The following EYA4 variants were observed in gnomAD, a reference collection of about 807,000 sequenced individuals.
EYA4 encodes EYA transcriptional coactivator and phosphatase 4, also known as protein phosphatase EYA4.
Under a neutral mutation model 87.9 loss-of-function variants are expected in EYA4, and 31 were observed. The observed-to-expected ratio is 0.35, with a 90% CI of 0.27 to 0.48. The LOEUF is 0.48. Among genes scored for constraint, EYA4 ranks in the 20% least tolerant of loss-of-function variants. The pLI, the probability that EYA4 is intolerant of heterozygous loss-of-function variation, is 0.99. For synonymous variants in EYA4, 263 were observed against 270.6 expected, an observed-to-expected ratio of 0.97 and a Z score of 0.28; for missense variants, 678 against 761.4, an observed-to-expected ratio of 0.89 and a Z score of 1.29.
intron 11 of EYA4, among the ~76,000 whole-genome samples, chr6:133,472,525 A>G (rs1319533690): frequency 2.8e-5 from 2 of 70,744 alleles, no homozygotes; most frequent in Non-Finnish European, 4.9e-5. Context: ...TATGTGGTCA[A>G]TTTTGGAATA....
In EYA4 at chr6:133,468,559, G is replaced by A. The variant is rs1562457037; in HGVS notation, c.805-7G>A. ...TTCAAACACACACATCTCAATTATT[G>A]TTTCAGGATTATCCATCCTATACAG... On this transcript the variant is annotated splice_region_variant and splice_polypyrimidine_tract_variant and intron_variant, in intron 10 of 19. Coordinates refer to ENST00000355286, the MANE Select transcript of EYA4 (RefSeq NM_004100.5). 2 of 1,602,952 alleles carry A rather than the reference G, an allele frequency of 1.2e-6. No individual in the cohort carries two copies. The highest frequency in any genetic ancestry group is 1.1e-5 in the South Asian group (1 of 90,856).
chr6:133,423,017 T>G (rs534483745), intron 3 of EYA4, among the ~76,000 whole-genome samples: 17 of 152,170 alleles, frequency 1.1e-4, no homozygotes, highest in Non-Finnish European at 2.5e-4. Flanking sequence ...AGATGGCACT[T>G]CTCATCTCTA....
chr6:133,260,825 G>A (rs903896012), intron 1 of EYA4, among the ~76,000 whole-genome samples: 1 of 152,036 alleles, frequency 6.6e-6, no homozygotes, highest in Non-Finnish European at 1.5e-5. Context: ...ATGGTGGGCC[G>A]AGTTTTTCTA....
At chr6:133,255,525 A>C (rs1303766846) in intron 1 of EYA4, among the ~76,000 whole-genome samples, 1 of 152,188 alleles carries the variant, frequency 6.6e-6, no homozygotes, top group Non-Finnish European at 1.5e-5. Flanking sequence ...ATATATTTAA[A>C]GTAAAAAGTG....
intron 1 of EYA4, among the ~76,000 whole-genome samples, chr6:133,264,976 C>T (rs1245235376): frequency 2.0e-5 from 3 of 152,152 alleles, no homozygotes; most frequent in Non-Finnish European, 4.4e-5. Flanking sequence ...CTTCTCAAAC[C>T]TCCTTCAGCA....
At chr6:133,301,455 C>T (rs1352354901) in intron 2 of EYA4, among the ~76,000 whole-genome samples, 2 of 152,018 alleles carry the variant, frequency 1.3e-5, no homozygotes, top group Non-Finnish European at 2.9e-5. Flanking sequence ...TTCCCGGATG[C>T]CTTTTATTTG....
chr6:133,401,363 T>C (rs999702559), intron 3 of EYA4, among the ~76,000 whole-genome samples: 1 of 133,104 alleles, frequency 7.5e-6, no homozygotes, highest in Non-Finnish European at 1.7e-5. Flanking sequence ...TTAATATTAA[T>C]CTATTGTACA....
intron 2 of EYA4, among the ~76,000 whole-genome samples, chr6:133,306,593 A>T (rs1029277328): frequency 1.3e-5 from 2 of 152,186 alleles, no homozygotes; most frequent in African/African-American, 2.4e-5. Flanking sequence ...TGAATCTTTA[A>T]TTTGAAAATC....
In EYA4 at chr6:133,252,983, A is replaced by ACT. The variant is rs1287142710; in HGVS notation, c.-66+11235_-66+11236insTC. ...CACACACACACACACACACACACAC[A>ACT]CACACACTCACTCTCTCTCTCTCAC... On this transcript the variant is annotated intron_variant, in intron 1 of 19. Transcript: ENST00000355286. Among the ~76,000 whole-genome samples the ACT allele has an allele frequency of 5.2e-5, 6 of 116,126 alleles. No individual in the cohort carries two copies. The East Asian group carries it at 8.2e-4, about 16-fold the overall frequency. The allele number at this position is 116,126 out of a possible 152,430, so 76.2% of individuals were successfully genotyped here.
In EYA4 at chr6:133,340,425, A is replaced by T. The variant is rs1317589361; in HGVS notation, c.34-41967A>T. Among the ~76,000 whole-genome samples the T allele has an allele frequency of 6.6e-5, 10 of 152,316 alleles. No homozygotes were observed. The South Asian group carries it at 1.7e-3, about 25-fold the overall frequency. ...AAAAAATAATAAATAAATGAACAAA[A>T]TATATGGCATGTCAGATGATGATAA... On this transcript the variant is annotated intron_variant, in intron 2 of 19. Coordinates refer to ENST00000355286, the MANE Select transcript of EYA4 (RefSeq NM_004100.5).
intron 3 of EYA4, among the ~76,000 whole-genome samples, chr6:133,436,095 T>C (rs111334720): frequency 0.022 from 3,398 of 152,170 alleles, 118 homozygotes; most frequent in African/African-American, 0.078. Flanking sequence ...GGCACGTGCC[T>C]ATAATCCCAG....
intron 2 of EYA4, among the ~76,000 whole-genome samples, chr6:133,302,561 T>C (rs1427637486): frequency 6.6e-6 from 1 of 152,220 alleles, no homozygotes; most frequent in Non-Finnish European, 1.5e-5. Context: ...CTTGTGTTTT[T>C]AGCCTAGCTC....
intron 2 of EYA4, among the ~76,000 whole-genome samples, chr6:133,288,021 C>G (rs139253931): frequency 6.6e-6 from 1 of 152,012 alleles, no homozygotes; most frequent in Non-Finnish European, 1.5e-5. Context: ...CCCAGCTACT[C>G]GGGAGGCTGA....
intron 2 of EYA4, among the ~76,000 whole-genome samples, chr6:133,306,149 A>C (rs181339372): frequency 6.6e-6 from 1 of 152,206 alleles, no homozygotes; most frequent in Non-Finnish European, 1.5e-5. Flanking sequence ...TTCATATTGC[A>C]TGATGATTAG....
intron 2 of EYA4, among the ~76,000 whole-genome samples, chr6:133,298,046 A>G (rs1184209139): frequency 6.6e-6 from 1 of 152,196 alleles, no homozygotes. Context: ...CTGTAAAGAA[A>G]AGAGTTTTTC....
At chr6:133,282,941 G>T (rs910336051) in intron 2 of EYA4, among the ~76,000 whole-genome samples, 1 of 152,150 alleles carries the variant, frequency 6.6e-6, no homozygotes, top group East Asian at 1.9e-4. Context: ...CAAAAGTCTT[G>T]TGTCTGAACT....
At chr6:133,513,070 A>G (rs755367888) in intron 16 of EYA4, 32 bp downstream of exon 16, 2 of 1,590,456 alleles carry the variant, frequency 1.3e-6, no homozygotes, top group South Asian at 1.1e-5. Flanking sequence ...TAACAAAGGT[A>G]CTCTGGGTAT....
At chr6:133,479,392 C>T (rs530212798) in intron 11 of EYA4, among the ~76,000 whole-genome samples, 1 of 152,148 alleles carries the variant, frequency 6.6e-6, no homozygotes. Flanking sequence ...ATTTTAAGTG[C>T]AAATAATATT....
At position 133,284,463 on chromosome 6, in the gene EYA4, C is replaced by T. The variant is rs531298547; in HGVS notation, c.33+9650C>T. ...TGCTGGGATTACAGGCATGAGCCAC[C>T]GCACCTGACCCTATTAGTAAATATT... On this transcript the variant is annotated intron_variant, in intron 2 of 19. Transcript: ENST00000355286. Among the ~76,000 whole-genome samples the T allele has an allele frequency of 4.6e-5, 7 of 152,212 alleles. No homozygotes were observed. In the South Asian group the frequency reaches 8.3e-4, roughly 18 times the overall value.
Sources: gnomAD v4.1 joint callset for allele counts (sites outside exome capture counted in the v4.1 genomes callset) on GRCh38, gnomAD v4.1.1 for gene constraint, MANE v1.5 for transcripts, NCBI Gene and HGNC (gene_info 2026-07-23, HGNC 2026-07-21) for gene names.